Variants in TNKS observed in about 807,000 individuals in gnomAD.
TNKS encodes tankyrase.
A neutral mutation model predicts 135.8 loss-of-function variants in TNKS; 72 were observed. The ratio of observed to expected loss-of-function variants is 0.53; its 90% CI spans 0.44 to 0.64. The LOEUF is 0.64. TNKS is among the 30% of genes least tolerant of loss of function. The pLI, the probability that TNKS is intolerant of heterozygous loss-of-function variation, is 0.00. For synonymous variants in TNKS, 849 were observed against 649.3 expected, an observed-to-expected ratio of 1.31 and a Z score of -4.68; for missense variants, 1,769 against 1,674.0, an observed-to-expected ratio of 1.06 and a Z score of -0.99.
intron 3 of TNKS, among the ~76,000 whole-genome samples, chr8:9,650,799 G>A (rs1357750690): frequency 1.3e-5 from 2 of 152,102 alleles, no homozygotes; most frequent in Admixed American, 6.5e-5. Flanking sequence ...TTCTTTTGCT[G>A]TGCAGAAGAT....
At chr8:9,640,435 A>G (rs1346910247) in intron 3 of TNKS, among the ~76,000 whole-genome samples, 1 of 145,304 alleles carries the variant, frequency 6.9e-6, no homozygotes, top group Non-Finnish European at 1.5e-5. Flanking sequence ...CATTCAAACC[A>G]TATCATAAAG....
intron 1 of TNKS, among the ~76,000 whole-genome samples, chr8:9,561,576 A>G (rs1434968093): frequency 2.0e-5 from 3 of 152,196 alleles, no homozygotes; most frequent in African/African-American, 7.2e-5. Flanking sequence ...TTATATGAAT[A>G]TGCTGCAGTT....
chr8:9,619,332 A>G (rs1378894716), intron 3 of TNKS, among the ~76,000 whole-genome samples: 1 of 152,210 alleles, frequency 6.6e-6, no homozygotes, highest in African/African-American at 2.4e-5. Flanking sequence ...TGTGAAGGAG[A>G]TTCTCTGGGC....
intron 3 of TNKS, chr8:9,679,738 A>T: frequency 2.0e-6 from 1 of 505,194 alleles, no homozygotes; most frequent in East Asian, 3.0e-5. Context: ...TCATCTGAGG[A>T]TTGGACAAGA....
intron 2 of TNKS, among the ~76,000 whole-genome samples, chr8:9,609,015 C>G (rs900316483): frequency 6.6e-6 from 1 of 152,034 alleles, no homozygotes; most frequent in East Asian, 1.9e-4. Context: ...AAAATTTTTT[C>G]GTTATATTTT....
chr8:9,617,229 A>G (rs1192119164), intron 3 of TNKS, among the ~76,000 whole-genome samples: 1 of 152,244 alleles, frequency 6.6e-6, no homozygotes, highest in Non-Finnish European at 1.5e-5. Context: ...TTTGGGAAAG[A>G]GCTTTGGAAC....
rs148793214 is a variant in TNKS at position 9,576,996 on chromosome 8, C to G, written c.674-3163C>G. On this transcript the variant is annotated intron_variant, in intron 1 of 26. Transcript: ENST00000310430. Reference sequence around the variant, plus strand: ...CAAACATTGAATTTATGTAATAGTACCTCTGGGGAAGCAAAGAGGGGACTA... The same window carrying G: ...CAAACATTGAATTTATGTAATAGTAGCTCTGGGGAAGCAAAGAGGGGACTA... Among the ~76,000 whole-genome samples, 496 of 152,068 alleles carry G rather than the reference C, an allele frequency of 3.3e-3. 2 individuals carry two copies. Among genetic ancestry groups the G allele is most frequent in the African/African-American group, 0.011 (460 of 41,474 alleles).
chr8:9,733,933 T>C (rs907025679), intron 15 of TNKS, among the ~76,000 whole-genome samples: 4 of 152,094 alleles, frequency 2.6e-5, no homozygotes, highest in African/African-American at 9.7e-5. Flanking sequence ...TAGATACATG[T>C]AAAAGAGTGA....
chr8:9,625,830 C>A (rs975290372), intron 3 of TNKS, among the ~76,000 whole-genome samples: 4 of 152,072 alleles, frequency 2.6e-5, no homozygotes, highest in African/African-American at 9.7e-5. Context: ...AGGACATGGA[C>A]TATTTTTGTA....
rs553985093 is a variant in TNKS, at chr8:9,635,739, T to C, written c.994+20062T>C. Among the ~76,000 whole-genome samples, 37 of 152,248 alleles carry C rather than the reference T, an allele frequency of 2.4e-4. 2 individuals are homozygous for C. The South Asian group carries it at 7.5e-3, about 31-fold the overall frequency. On this transcript the variant is annotated intron_variant, in intron 3 of 26. Coordinates refer to ENST00000310430, the MANE Select transcript of TNKS (RefSeq NM_003747.3). ...TTCTGGCTAGGGAGGCATGACTAAA[T>C]CTCATGAGAAAACATTAAACAAATT... is the stretch of plus-strand genomic sequence containing the variant.
At chr8:9,658,835 A>G (rs918829377) in intron 3 of TNKS, among the ~76,000 whole-genome samples, 10 of 152,220 alleles carry the variant, frequency 6.6e-5, no homozygotes, top group African/African-American at 2.2e-4. Context: ...GTATTCAGGA[A>G]ACCCATCTCA....
chr8:9,570,518 A>G (rs1230024789), intron 1 of TNKS, among the ~76,000 whole-genome samples: 1 of 152,164 alleles, frequency 6.6e-6, no homozygotes, highest in African/African-American at 2.4e-5. Context: ...GGGTAGAATA[A>G]CCAACTGCTT....
intron 3 of TNKS, among the ~76,000 whole-genome samples, chr8:9,677,518 T>A (rs1470464369): frequency 1.3e-5 from 2 of 152,170 alleles, no homozygotes; most frequent in African/African-American, 2.4e-5. Context: ...ACTTTTAAGT[T>A]CACAGTTTTA....
chr8:9,721,943 C>T (rs554311898), intron 12 of TNKS, among the ~76,000 whole-genome samples: 1 of 151,912 alleles, frequency 6.6e-6, no homozygotes, highest in East Asian at 1.9e-4. Flanking sequence ...ATTCCAGCTA[C>T]TCGGGAGCCT....
At chr8:9,695,481 A>G (rs4240632) in intron 5 of TNKS, among the ~76,000 whole-genome samples, 111,142 of 151,934 alleles carry the variant, frequency 0.73, 40,863 homozygotes, top group Middle Eastern at 0.81. Context: ...AAGTTGTGGG[A>G]TGGGATGTAG....
chr8:9,562,394 C>G (rs1378229965), intron 1 of TNKS, among the ~76,000 whole-genome samples: 1 of 152,010 alleles, frequency 6.6e-6, no homozygotes, highest in Non-Finnish European at 1.5e-5. Context: ...TGGATAAGAA[C>G]TTTTATCTGG....
intron 2 of TNKS, 54 bp from the exon 3 acceptor site, chr8:9,615,528 T>G: frequency 6.9e-7 from 1 of 1,454,902 alleles, no homozygotes; most frequent in African/African-American, 1.4e-5. Flanking sequence ...CACTTACCAG[T>G]AAATAATCTC....
At chr8:9,754,013 CTGCATCCATCTTCACAT>C (rs1172619572) in intron 20 of TNKS, among the ~76,000 whole-genome samples, 2 of 152,356 alleles carry the variant, frequency 1.3e-5, no homozygotes, top group African/African-American at 4.8e-5. Flanking sequence ...ACTCCAGTCT[CTGCATCCATCTTCACAT>C]TGCCTTCCTG....
chr8:9,642,446 T>G (rs1486335187), intron 3 of TNKS, among the ~76,000 whole-genome samples: 2 of 146,368 alleles, frequency 1.4e-5, no homozygotes, highest in Non-Finnish European at 3.0e-5. Context: ...ATATTTAAAT[T>G]TTATTTCTGT....
Sources: allele counts gnomAD v4.1 joint callset (sites outside exome capture counted in the v4.1 genomes callset), GRCh38; gene constraint gnomAD v4.1.1; transcripts MANE v1.5; gene names NCBI Gene and HGNC (gene_info 2026-07-23, HGNC 2026-07-21).